The following ARHGEF11 variants were observed in gnomAD, a reference collection of about 807,000 sequenced individuals.
ARHGEF11 encodes the protein Rho guanine nucleotide exchange factor 11.
ARHGEF11 carries 55 observed loss-of-function variants against 193.7 expected under a neutral mutation model. The observed-to-expected ratio is 0.28, with a 90% CI of 0.23 to 0.36. ARHGEF11 has a LOEUF of 0.36. ARHGEF11 is among the 10% of genes least tolerant of loss of function. ARHGEF11 has a pLI of 1.00. For missense variants in ARHGEF11, 1,723 were observed against 2,005.6 expected (o/e 0.86, Z 2.69); for synonymous variants, 693 against 768.0 (o/e 0.90, Z 1.62).
At chr1:156,974,081 T>A (rs541277989) in intron 7 of ARHGEF11, among the ~76,000 whole-genome samples, 7 of 152,176 alleles carry the variant, frequency 4.6e-5, no homozygotes, top group African/African-American at 1.4e-4. Context: ...TTTTTCTTTT[T>A]TTTTTTGAGA....
At chr1:156,959,000 C>A (rs1572408) in intron 16 of ARHGEF11, 46 bp downstream of exon 16, 1 of 1,610,492 alleles carries the variant, frequency 6.2e-7, no homozygotes, top group Non-Finnish European at 8.5e-7. Context: ...GGCCAAGAGG[C>A]GGAGGTGAAC....
chr1:157,044,419 G>C lies in ARHGEF11; in HGVS notation c.-89C>G. 1 of 1,268,790 alleles carries C rather than the reference G, an allele frequency of 7.9e-7. No homozygotes were observed. Among genetic ancestry groups the C allele is most frequent in the Non-Finnish European group, 1.2e-6 (1 of 868,888 alleles). 78.6% of individuals were successfully genotyped at this position (1,268,790 alleles called of 1,614,324 possible). A position where few individuals can be genotyped will look rare whatever the true frequency, so the allele number is the denominator to read the frequency against. ...CGCTTGCAATTTTTGAGCAAGGTGA[G>C]AGGAGGGCCTCCCAACTTGAAGATA... On this transcript the variant is annotated 5_prime_UTR_variant, in exon 1 of 41. Coordinates refer to ENST00000368194, the MANE Select transcript of ARHGEF11 (RefSeq NM_198236.3).
chr1:156,971,751 C>T lies in ARHGEF11; in HGVS notation c.648G>A (p.Arg216=), dbSNP rs201006661. ...TCAGCTGTAACTGAGTGACTCGCCG[C>T]CGGGCACCTTCGATCTGCTCTTCCA... ...SLLEEQIEGA[R]RRVTQLQLKI... The change falls in exon 8 of 41, where the codon CGG becomes CGA. Residue 216 remains arginine, a synonymous_variant. Coordinates refer to ENST00000368194, the MANE Select transcript of ARHGEF11 (RefSeq NM_198236.3). The T allele has an allele frequency of 1.9e-6, 3 of 1,614,048 alleles. No homozygotes were observed. The highest frequency in any genetic ancestry group is 2.2e-5 in the South Asian group (2 of 91,082).
Position 156,984,338 on chromosome 1 carries a change from C to T in ARHGEF11, c.223+1G>A. 6.3e-7 allele frequency: 1 copy of T among 1,581,484 alleles called. No homozygotes were observed. The highest frequency in any genetic ancestry group is 8.6e-7 in the Non-Finnish European group (1 of 1,163,030). On this transcript the variant is annotated splice_donor_variant, in intron 3 of 40. Coordinates refer to ENST00000368194, the MANE Select transcript of ARHGEF11 (RefSeq NM_198236.3). LOFTEE classifies it high-confidence loss of function. ...GTGGGCAGGAGGGATGCAGCACTCA[C>T]CAGGCCGCACAGACTGCACCAGAAC...
chr1:157,044,170 T>C, intron 1 of ARHGEF11, 129 bp downstream of exon 1: 1 of 835,004 alleles, frequency 1.2e-6, no homozygotes, highest in Non-Finnish European at 2.0e-6. Flanking sequence ...CAGAGACTAA[T>C]GCTCCTAGCC....
chr1:156,967,682 C>T (rs1378651882), intron 11 of ARHGEF11, among the ~76,000 whole-genome samples: 11 of 152,130 alleles, frequency 7.2e-5, no homozygotes, highest in Admixed American at 7.2e-4. Flanking sequence ...AGAAACACTG[C>T]CTAAACCTAT....
At position 157,045,571 on chromosome 1, in the gene ARHGEF11, G is replaced by A. The variant is rs967521377; in HGVS notation, c.-1241C>T. ...CGCCCCTCGCCTAATCTCGCAGGCA[G>A]GAGCCCGCAGTGCCTCGCGCAGGAC... On this transcript the variant is annotated 5_prime_UTR_variant, in exon 1 of 41. Transcript: ENST00000368194. Among the ~76,000 whole-genome samples the A allele has an allele frequency of 2.0e-5, 3 of 152,044 alleles. No homozygotes were observed. In the East Asian group the frequency reaches 5.8e-4, roughly 29 times the overall value.
intron 1 of ARHGEF11, among the ~76,000 whole-genome samples, chr1:156,995,236 C>A (rs1430552277): frequency 1.3e-5 from 2 of 152,206 alleles, no homozygotes; most frequent in East Asian, 1.9e-4. Flanking sequence ...AGGATATACA[C>A]CCTTCCGTGG....
rs761550684 is a variant in ARHGEF11 at position 156,935,854 on chromosome 1, T to TC, written c.*145dup. 8.2e-5 allele frequency: 73 copies of TC among 886,858 alleles called. No homozygotes were observed. The highest frequency in any genetic ancestry group is 1.1e-4 in the Non-Finnish European group (62 of 589,648). 54.9% of individuals were successfully genotyped at this position (886,858 alleles called of 1,614,324 possible). ...GAGCAGACCAAGCAACATGCGGGTC[T>TC]CCCCCCGGGCCTTGGCTGGATCCTA... On this transcript the variant is annotated 3_prime_UTR_variant, in exon 41 of 41. Transcript: ENST00000368194.
At chr1:156,961,567 C>A in intron 14 of ARHGEF11, 110 bp downstream of exon 14, 1 of 913,672 alleles carries the variant, frequency 1.1e-6, no homozygotes. Flanking sequence ...GCCTAGATTT[C>A]TCTTTAAGAA....
At chr1:156,954,366 T>C (rs904043491) in intron 21 of ARHGEF11, among the ~76,000 whole-genome samples, 4 of 101,156 alleles carry the variant, frequency 4.0e-5, no homozygotes, top group African/African-American at 1.2e-4. Flanking sequence ...GGCCACAGAG[T>C]GAAACTGTGT....
chr1:156,954,781 G>T, intron 21 of ARHGEF11, 111 bp downstream of exon 21: 1 of 907,922 alleles, frequency 1.1e-6, no homozygotes, highest in Non-Finnish European at 1.8e-6. Flanking sequence ...AGAAAGGGAG[G>T]GAGGAGGAAC....
At chr1:156,970,097 G>A (rs1451468649) in intron 8 of ARHGEF11, 54 bp from the exon 9 acceptor site, 45 of 1,538,410 alleles carry the variant, frequency 2.9e-5, no homozygotes, top group East Asian at 9.0e-5. Context: ...CTCCCCCTAC[G>A]GTTTTCTTTC....
At chr1:157,012,024 C>T (rs192910416) in intron 1 of ARHGEF11, among the ~76,000 whole-genome samples, 1 of 152,252 alleles carries the variant, frequency 6.6e-6, no homozygotes, top group East Asian at 1.9e-4. Context: ...AAAACTTGTA[C>T]ATGAAGGTTC....
chr1:156,938,585 G>A (rs1656036936), intron 37 of ARHGEF11, 72 bp from the exon 38 acceptor site: 2 of 1,466,308 alleles, frequency 1.4e-6, no homozygotes, highest in Middle Eastern at 1.7e-4. Context: ...GAGAGAACAG[G>A]AAGGAGAGAG....
At chr1:156,936,748 T>G in intron 40 of ARHGEF11, 68 bp downstream of exon 40, 2 of 1,523,004 alleles carry the variant, frequency 1.3e-6, no homozygotes, top group Non-Finnish European at 8.9e-7. Context: ...TGCTTAGTGA[T>G]GTGTCCTCAC....
chr1:156,961,038 CA>C (rs1660755611), intron 14 of ARHGEF11, among the ~76,000 whole-genome samples: 1 of 152,244 alleles, frequency 6.6e-6, no homozygotes, highest in Admixed American at 6.5e-5. Context: ...CAATTTTCTC[CA>C]ACCTCATTAA....
intron 1 of ARHGEF11, among the ~76,000 whole-genome samples, chr1:157,028,050 A>T (rs1670861137): frequency 6.6e-6 from 1 of 152,206 alleles, no homozygotes; most frequent in Admixed American, 6.5e-5. Context: ...ATATGACTAC[A>T]GCTGCATGAG....
At chr1:156,951,380 T>C (rs1659072262) in intron 22 of ARHGEF11, among the ~76,000 whole-genome samples, 193 bp downstream of exon 22, 1 of 151,878 alleles carries the variant, frequency 6.6e-6, no homozygotes, top group Admixed American at 6.6e-5. Context: ...GGGGATCTGC[T>C]TGCTCTTCCA....
Sources: allele counts gnomAD v4.1 joint callset (sites outside exome capture counted in the v4.1 genomes callset), GRCh38; gene constraint gnomAD v4.1.1; transcripts MANE v1.5; gene names NCBI Gene and HGNC (gene_info 2026-07-23, HGNC 2026-07-21).